NKAIN2: variants seen among roughly 807,000 people sequenced by gnomAD.
The protein encoded by NKAIN2 is sodium/potassium-transporting ATPase subunit beta-1-interacting protein 2.
Under a neutral mutation model 32.6 loss-of-function variants are expected in NKAIN2, and 14 were observed. The observed-to-expected ratio is 0.43, with a 90% CI of 0.28 to 0.67. The LOEUF is 0.67. Among genes scored for constraint, NKAIN2 ranks in the 30% least tolerant of loss-of-function variants. NKAIN2 has a pLI of 0.17. For missense variants in NKAIN2, 198 were observed against 258.3 expected, an observed-to-expected ratio of 0.77 and a Z score of 1.60; for synonymous variants, 80 against 87.2, an observed-to-expected ratio of 0.92 and a Z score of 0.46.
chr6:123,815,152 T>C (rs1057510223), intron 1 of NKAIN2, among the ~76,000 whole-genome samples: 1 of 152,234 alleles, frequency 6.6e-6, no homozygotes, highest in African/African-American at 2.4e-5. Flanking sequence ...CTAGTGGTTT[T>C]AATAATTCAA....
At chr6:124,601,191 C>A (rs187525623) in intron 3 of NKAIN2, among the ~76,000 whole-genome samples, 2 of 152,172 alleles carry the variant, frequency 1.3e-5, no homozygotes, top group Non-Finnish European at 2.9e-5. Flanking sequence ...GCTAATCCTT[C>A]CACTTTAAAA....
chr6:123,932,757 T>C (rs1776314280), intron 1 of NKAIN2, among the ~76,000 whole-genome samples: 2 of 136,792 alleles, frequency 1.5e-5, no homozygotes, highest in South Asian at 5.2e-4. Context: ...ATCGAGGTTT[T>C]AACGTTTGGG....
chr6:123,805,699 C>T (rs970961235), intron 1 of NKAIN2, among the ~76,000 whole-genome samples: 1 of 152,112 alleles, frequency 6.6e-6, no homozygotes, highest in Non-Finnish European at 1.5e-5. Flanking sequence ...AGGGAGTTTA[C>T]TTTGTTAAAC....
At chr6:124,758,541 C>T (rs1778072320) in intron 4 of NKAIN2, among the ~76,000 whole-genome samples, 1 of 152,074 alleles carries the variant, frequency 6.6e-6, no homozygotes, top group Non-Finnish European at 1.5e-5. Context: ...TTTGCTATAG[C>T]AGCCTGAACA....
intron 3 of NKAIN2, among the ~76,000 whole-genome samples, chr6:124,451,436 G>T (rs1428623552): frequency 6.6e-6 from 1 of 152,154 alleles, no homozygotes; most frequent in East Asian, 1.9e-4. Flanking sequence ...CTAGATGACT[G>T]ATGAATGGAG....
chr6:124,385,505 T>C (rs990811485), intron 3 of NKAIN2, among the ~76,000 whole-genome samples: 1 of 152,156 alleles, frequency 6.6e-6, no homozygotes, highest in African/African-American at 2.4e-5. Flanking sequence ...ATCACCAGGA[T>C]CTGGCCCCGA....
At chr6:123,847,632 G>A (rs1414041297) in intron 1 of NKAIN2, among the ~76,000 whole-genome samples, 1 of 152,032 alleles carries the variant, frequency 6.6e-6, no homozygotes, top group Non-Finnish European at 1.5e-5. Flanking sequence ...TGTCTCATGA[G>A]GATCCCATTT....
chr6:124,456,615 A>G (rs1776332797), intron 3 of NKAIN2, among the ~76,000 whole-genome samples: 1 of 151,810 alleles, frequency 6.6e-6, no homozygotes, highest in East Asian at 1.9e-4. Context: ...CTCTCCTTAA[A>G]TATTTTTTTG....
chr6:124,478,488 G>A (rs925706215), intron 3 of NKAIN2, among the ~76,000 whole-genome samples: 7 of 152,132 alleles, frequency 4.6e-5, no homozygotes, highest in African/African-American at 1.7e-4. Context: ...ACTAAAACAT[G>A]TACACAATCA....
intron 1 of NKAIN2, among the ~76,000 whole-genome samples, chr6:123,930,172 T>C (rs1450832573): frequency 6.6e-6 from 1 of 152,094 alleles, no homozygotes; most frequent in Non-Finnish European, 1.5e-5. Flanking sequence ...AGTACCAGCT[T>C]ATACTTTTAA....
intron 3 of NKAIN2, among the ~76,000 whole-genome samples, chr6:124,435,421 T>C (rs1775400011): frequency 1.3e-5 from 2 of 152,196 alleles, no homozygotes; most frequent in South Asian, 4.1e-4. Context: ...TCATAGCTAA[T>C]GTTAAATGTG....
At chr6:124,131,113 C>G (rs1442833763) in intron 1 of NKAIN2, among the ~76,000 whole-genome samples, 1 of 152,122 alleles carries the variant, frequency 6.6e-6, no homozygotes, top group Non-Finnish European at 1.5e-5. Context: ...TTACCCTCCA[C>G]GAGAAACTTC....
chr6:124,147,089 C>T (rs1381034142), intron 1 of NKAIN2, among the ~76,000 whole-genome samples: 1 of 152,144 alleles, frequency 6.6e-6, no homozygotes, highest in Non-Finnish European at 1.5e-5. Context: ...TCTGGTAATA[C>T]TTGTGCTTGC....
chr6:123,811,057 A>G (rs1225747390), intron 1 of NKAIN2, among the ~76,000 whole-genome samples: 1 of 152,184 alleles, frequency 6.6e-6, no homozygotes, highest in Non-Finnish European at 1.5e-5. Flanking sequence ...TTTGAGAACT[A>G]CTGGCCTAGA....
chr6:124,395,857 C>A (rs1305029545), intron 3 of NKAIN2, among the ~76,000 whole-genome samples: 1 of 151,696 alleles, frequency 6.6e-6, no homozygotes, highest in Non-Finnish European at 1.5e-5. Flanking sequence ...TGTTATATGT[C>A]CTATACAGAG....
At chr6:123,939,098 T>C (rs968550799) in intron 1 of NKAIN2, among the ~76,000 whole-genome samples, 15 of 151,808 alleles carry the variant, frequency 9.9e-5, no homozygotes, top group Admixed American at 1.3e-4. Flanking sequence ...ATCTAGAAAA[T>C]GGAAGCAAGA....
rs189857206 is a variant in NKAIN2, at chr6:124,286,363, A to G, written c.192+3221A>G. Among the ~76,000 whole-genome samples, 1,224 of 152,150 alleles carry G rather than the reference A, an allele frequency of 8.0e-3. 14 individuals carry two copies. Among genetic ancestry groups the G allele is most frequent in the Non-Finnish European group, 0.012 (812 of 67,982 alleles). ...TTTTTTGTGAATCATTCCTTAGGAG[A>G]AATACCTAGGTATAATCAAATAATA... On this transcript the variant is annotated intron_variant, in intron 2 of 6. Transcript: ENST00000368417.
chr6:124,151,619 A>AC (rs952184002), intron 1 of NKAIN2, among the ~76,000 whole-genome samples: 11 of 151,954 alleles, frequency 7.2e-5, no homozygotes, highest in African/African-American at 2.7e-4. Context: ...CTGAAAGTAC[A>AC]CCCCACAAGC....
At chr6:124,747,293 C>T (rs920419301) in intron 4 of NKAIN2, among the ~76,000 whole-genome samples, 3 of 151,818 alleles carry the variant, frequency 2.0e-5, no homozygotes, top group African/African-American at 7.2e-5. Context: ...TATTCTAATT[C>T]CATCAGGTGT....
Sources: gnomAD v4.1 joint callset for allele counts (sites outside exome capture counted in the v4.1 genomes callset) on GRCh38, gnomAD v4.1.1 for gene constraint, MANE v1.5 for transcripts, NCBI Gene and HGNC (gene_info 2026-07-23, HGNC 2026-07-21) for gene names.